CYLC2: variants seen among roughly 807,000 people sequenced by gnomAD.
CYLC2 encodes cylicin 2.
A neutral mutation model predicts 26.1 loss-of-function variants in CYLC2; 30 were observed. The ratio of observed to expected loss-of-function variants is 1.15; its 90% CI spans 0.86 to 1.56. The LOEUF is 1.56. CYLC2 is among the 40% of genes most tolerant of loss of function. CYLC2 has a pLI of 0.00. For missense variants in CYLC2, 498 were observed against 394.4 expected, an observed-to-expected ratio of 1.26 and a Z score of -2.23; for synonymous variants, 158 against 132.8, an observed-to-expected ratio of 1.19 and a Z score of -1.31.
At chr9:103,018,051 G>A (rs1427411294) in intron 7 of CYLC2, among the ~76,000 whole-genome samples, 1 of 151,950 alleles carries the variant, frequency 6.6e-6, no homozygotes, top group Non-Finnish European at 1.5e-5. Flanking sequence ...TTTCAGGGTA[G>A]ACAATTTATC....
At chr9:103,013,975 A>G (rs1262039071) in intron 6 of CYLC2, among the ~76,000 whole-genome samples, 3 of 99,280 alleles carry the variant, frequency 3.0e-5, no homozygotes, top group African/African-American at 7.7e-5. Context: ...ATTATATTAT[A>G]TATTATTTAA....
At position 103,004,788 on chromosome 9, in the gene CYLC2, T is replaced by G. The variant is rs112904919; in HGVS notation, c.274T>G (p.Leu92Val). 5.0e-6 allele frequency: 8 copies of G among 1,612,956 alleles called. No individual in the cohort carries two copies. In the African/African-American group the frequency reaches 5.3e-5, roughly 11 times the overall value. ...MRISERPSVY[L>V]AARRQPLKPT... ...AATTTCTGAGAGACCATCTGTTTATTTAGCTGCCAGGAGGCAGCCTCTCAA... is the reference window on the plus strand; with the variant it reads ...AATTTCTGAGAGACCATCTGTTTATGTAGCTGCCAGGAGGCAGCCTCTCAA... Residue 92 changes from leucine (L) to valine (V), a missense_variant, in exon 4 of 8, where the codon TTA becomes GTA. Leu to Val is a conservative substitution (Grantham distance 32, BLOSUM62 1). Coordinates refer to ENST00000374798, the MANE Select transcript of CYLC2 (RefSeq NM_001340.5).
Position 102,995,386 on chromosome 9 carries a change from T to A in CYLC2, c.6T>A (p.Ser2=), listed in dbSNP as rs1372378255. The change falls in exon 1 of 8, where the codon TCT becomes TCA. Residue 2 remains serine (S), a synonymous_variant. Transcript: ENST00000374798. M[S]LPRFQRVNFG... ...GCAAGTCATAAGTGGGGAAAATGTC[T>A]CTCCCAAGATTGTAAGTCAAATTTT... 1 of 1,604,748 alleles carries A rather than the reference T, an allele frequency of 6.2e-7. No homozygotes were observed. The highest frequency in any genetic ancestry group is 2.2e-5 in the East Asian group (1 of 44,664).
chr9:103,001,447 T>C, intron 1 of CYLC2, 131 bp from the exon 2 acceptor site: 1 of 640,338 alleles, frequency 1.6e-6, no homozygotes, highest in South Asian at 1.8e-5. Flanking sequence ...TAATCTTATA[T>C]AACAAAAGAT....
intron 6 of CYLC2, among the ~76,000 whole-genome samples, chr9:103,013,003 G>C (rs117587901): frequency 1.3e-5 from 2 of 148,474 alleles, no homozygotes; most frequent in African/African-American, 2.5e-5. Context: ...GGAAAAAAAA[G>C]GAAAGGGTAT....
intron 5 of CYLC2, among the ~76,000 whole-genome samples, chr9:103,009,117 A>G (rs1042643598): frequency 6.6e-6 from 1 of 152,184 alleles, no homozygotes; most frequent in Non-Finnish European, 1.5e-5. Flanking sequence ...CCTTCTCCAT[A>G]GAATGCAATT....
At chr9:103,007,383 A>G (rs1008773486) in intron 5 of CYLC2, among the ~76,000 whole-genome samples, 1 of 152,112 alleles carries the variant, frequency 6.6e-6, no homozygotes, top group African/African-American at 2.4e-5. Context: ...ATTGTTTATT[A>G]CCAACAAGAA....
At chr9:103,006,483 G>T (rs1434968802) in intron 5 of CYLC2, 105 bp downstream of exon 5, 2 of 151,812 alleles carry the variant, frequency 1.3e-5, no homozygotes, top group Non-Finnish European at 1.5e-5. Flanking sequence ...GCGCGATCTC[G>T]GCTCACTGCA....
intron 5 of CYLC2, among the ~76,000 whole-genome samples, chr9:103,007,858 T>C (rs143024686): frequency 2.6e-4 from 39 of 152,222 alleles, no homozygotes; most frequent in African/African-American, 9.1e-4. Context: ...TAAGGAATAA[T>C]TGTTTTTCTT....
intron 1 of CYLC2, among the ~76,000 whole-genome samples, chr9:103,000,741 T>A (rs146244244): frequency 6.2e-4 from 95 of 152,156 alleles, no homozygotes; most frequent in African/African-American, 2.2e-3. Flanking sequence ...AAACACCACG[T>A]GTGTGTTTGT....
At chr9:103,007,371 A>G (rs1039962845) in intron 5 of CYLC2, among the ~76,000 whole-genome samples, 4 of 152,254 alleles carry the variant, frequency 2.6e-5, no homozygotes, top group African/African-American at 9.6e-5. Context: ...ATGAAACTCA[A>G]AATTGTTTAT....
intron 5 of CYLC2, chr9:103,010,580 T>C (rs772666297): frequency 6.6e-6 from 1 of 152,122 alleles, no homozygotes; most frequent in Non-Finnish European, 1.5e-5. Context: ...TAATTGTTTG[T>C]GGATTTGGGA....
chr9:102,996,615 T>G (rs145263897), intron 1 of CYLC2, among the ~76,000 whole-genome samples: 66 of 152,062 alleles, frequency 4.3e-4, no homozygotes, highest in African/African-American at 1.4e-3. Context: ...AGCTCCCAAT[T>G]CATTGAACAC....
intron 6 of CYLC2, among the ~76,000 whole-genome samples, chr9:103,013,292 T>A (rs1207647746): frequency 1.0e-5 from 1 of 96,692 alleles, no homozygotes; most frequent in Non-Finnish European, 1.9e-5. Context: ...ACATTAAATA[T>A]ATATTTACAT....
chr9:103,001,536 T>G lies in CYLC2; in HGVS notation c.18-42T>G, dbSNP rs377005948. On this transcript the variant is annotated intron_variant, in intron 1 of 7. Coordinates refer to ENST00000374798, the MANE Select transcript of CYLC2 (RefSeq NM_001340.5). The stretch of plus-strand genomic sequence containing the variant: ...ATAATGACAGTTTAAAACAGTGATT[T>G]TTATATAAATTAACTAAAACCTTTC... The G allele has an allele frequency of 2.4e-6, 3 of 1,257,152 alleles. No homozygotes were observed. In the African/African-American group the frequency reaches 4.5e-5, roughly 19 times the overall value. The allele number at this position is 1,257,152 out of a possible 1,614,324, so 77.9% of individuals were successfully genotyped here. A position where few individuals can be genotyped will look rare whatever the true frequency, so the allele number is the denominator to read the frequency against.
chr9:103,013,084 T>A (rs975668402), intron 6 of CYLC2, among the ~76,000 whole-genome samples: 3 of 143,196 alleles, frequency 2.1e-5, no homozygotes, highest in African/African-American at 7.6e-5. Flanking sequence ...TAAATATGTA[T>A]CATAAATAAT....
chr9:103,007,769 C>T (rs1829366286), intron 5 of CYLC2, among the ~76,000 whole-genome samples: 1 of 152,094 alleles, frequency 6.6e-6, no homozygotes, highest in South Asian at 2.1e-4. Context: ...ACTTTGGATG[C>T]AACATAAAGC....
chr9:103,005,802 A>T lies in CYLC2; in HGVS notation c.*124A>T. Reference sequence around the variant, plus strand: ...CTCAAAGAATTAAATAATTTTTAAAAGGTGGTAAAGAAGGATACAAAGGAG... The same window carrying T: ...CTCAAAGAATTAAATAATTTTTAAATGGTGGTAAAGAAGGATACAAAGGAG... On this transcript the variant is annotated 3_prime_UTR_variant, in exon 5 of 8. Transcript: ENST00000374798. 9.2e-7 allele frequency: 1 copy of T among 1,089,462 alleles called. No individual in the cohort carries two copies. The highest frequency in any genetic ancestry group is 1.3e-6 in the Non-Finnish European group (1 of 755,112). The allele number at this position is 1,089,462 out of a possible 1,614,324, so 67.5% of individuals were successfully genotyped here. A position where few individuals can be genotyped will look rare whatever the true frequency, so the allele number is the denominator to read the frequency against.
chr9:103,011,947 C>CTTTTTTTTTTTTTTTTT (rs776460013), intron 5 of CYLC2, 35 bp from the exon 6 acceptor site: 1 of 64,122 alleles, frequency 1.6e-5, no homozygotes, highest in Non-Finnish European at 2.8e-5. Context: ...AGATCATTCT[C>CTTTTTTTTTTTTTTTTT]TTTTTTTTTT....
Sources: allele counts gnomAD v4.1 joint callset (sites outside exome capture counted in the v4.1 genomes callset), GRCh38; gene constraint gnomAD v4.1.1; transcripts MANE v1.5; gene names NCBI Gene and HGNC (gene_info 2026-07-23, HGNC 2026-07-21).